The following RUNX1 variants were observed in gnomAD, a reference collection of about 807,000 sequenced individuals.
The protein encoded by RUNX1 is runt-related transcription factor 1.
In RUNX1, 19 loss-of-function variants were observed where a neutral mutation model predicts 42.8. That is an observed-to-expected ratio of 0.44 (90% CI 0.31 to 0.65). The LOEUF (loss-of-function observed/expected upper bound fraction) is 0.65, where lower values mean the gene tolerates loss of function less well. RUNX1 is among the 30% of genes least tolerant of loss of function. RUNX1 has a pLI of 0.07. For synonymous variants in RUNX1, 271 were observed against 289.4 expected (o/e 0.94, Z 0.64); for missense variants, 528 against 672.0 (o/e 0.79, Z 2.37).
At chr21:35,027,915 T>G (rs183430944) in intron 2 of RUNX1, among the ~76,000 whole-genome samples, 67 of 152,342 alleles carry the variant, frequency 4.4e-4, no homozygotes, top group Non-Finnish European at 2.9e-5. Flanking sequence ...TTTAGGATCT[T>G]GTGGCCTACA....
intron 2 of RUNX1, among the ~76,000 whole-genome samples, chr21:34,983,344 C>A (rs188001434): frequency 2.0e-5 from 3 of 152,270 alleles, no homozygotes; most frequent in Non-Finnish European, 2.9e-5. Context: ...AACAGACTTA[C>A]AAATGAGGGT....
intron 2 of RUNX1, among the ~76,000 whole-genome samples, chr21:35,036,007 G>A (rs2059304897): frequency 6.6e-6 from 1 of 152,158 alleles, no homozygotes; most frequent in Non-Finnish European, 1.5e-5. Context: ...TGGGGGCCAG[G>A]ACTCCTCAGG....
intron 2 of RUNX1, among the ~76,000 whole-genome samples, chr21:35,026,439 T>G (rs887723518): frequency 3.9e-5 from 6 of 152,252 alleles, no homozygotes; most frequent in African/African-American, 1.4e-4. Context: ...AAAAGCAATC[T>G]GGATATTGCA....
At chr21:34,909,588 CA>C (rs10584066) in intron 2 of RUNX1, among the ~76,000 whole-genome samples, 1,523 of 75,010 alleles carry the variant, frequency 0.02, 54 homozygotes, top group African/African-American at 0.078. Context: ...CACTGTTCCT[CA>C]AAAAAAAAAA....
At chr21:34,840,377 T>C (rs2057215927) in intron 6 of RUNX1, among the ~76,000 whole-genome samples, 1 of 152,218 alleles carries the variant, frequency 6.6e-6, no homozygotes, top group Non-Finnish European at 1.5e-5. Context: ...ATTCTAAATC[T>C]GCTTTTCTAC....
At position 35,016,881 on chromosome 21, in the gene RUNX1, TTG is replaced by T. The variant is rs139916478; in HGVS notation, c.58+31959_58+31960del. Reference sequence around the variant, plus strand: ...CTCTGGGACTTGCAGTGTGTGCACATTGTGTGTGTGTGTGTGTGTGTGTAGCT... The same window carrying T: ...CTCTGGGACTTGCAGTGTGTGCACATTGTGTGTGTGTGTGTGTGTGTAGCT... On this transcript the variant is annotated intron_variant, in intron 2 of 8. Coordinates refer to ENST00000675419, the MANE Select transcript of RUNX1 (RefSeq NM_001754.5). 5.1e-3 allele frequency among the ~76,000 whole-genome samples: 753 copies of T among 149,004 alleles called. 5 individuals are homozygous for T. The highest frequency in any genetic ancestry group is 0.017 in the African/African-American group (680 of 40,584).
intron 2 of RUNX1, among the ~76,000 whole-genome samples, chr21:34,945,132 G>A (rs2146646290): frequency 6.6e-6 from 1 of 152,270 alleles, no homozygotes; most frequent in African/African-American, 2.4e-5. Context: ...TCTGTGATGT[G>A]CCAGCCATAC....
intron 2 of RUNX1, among the ~76,000 whole-genome samples, chr21:34,997,849 T>TC (rs1569144099): frequency 6.6e-6 from 1 of 152,152 alleles, no homozygotes; most frequent in Non-Finnish European, 1.5e-5. Context: ...CATCCTTCTC[T>TC]CCCCAACACC....
rs7280235 is a variant in RUNX1, at chr21:34,941,069, C to T, written c.59-48106G>A. Among the ~76,000 whole-genome samples the T allele has an allele frequency of 4.1e-3, 619 of 152,260 alleles. 5 individuals carry two copies. The highest frequency in any genetic ancestry group is 0.014 in the African/African-American group (574 of 41,530). On this transcript the variant is annotated intron_variant, in intron 2 of 8. Coordinates refer to ENST00000675419, the MANE Select transcript of RUNX1 (RefSeq NM_001754.5). ...CTCAGGTTCCTGTATGCTAAAGGTC[C>T]GGACAGAATTACTCTGTCCCTTTCT...
intron 2 of RUNX1, among the ~76,000 whole-genome samples, chr21:35,013,298 T>G (rs2059138519): frequency 6.6e-6 from 1 of 152,240 alleles, no homozygotes; most frequent in African/African-American, 2.4e-5. Context: ...ATTTGACAGT[T>G]GGCCCTTGCA....
At chr21:34,821,458 T>C in intron 7 of RUNX1, 1 of 1,386,972 alleles carries the variant, frequency 7.2e-7, no homozygotes, top group South Asian at 1.7e-5. Context: ...ATCCTCACAA[T>C]TGTCCCATGT....
At chr21:34,873,166 G>T (rs2057764542) in intron 5 of RUNX1, among the ~76,000 whole-genome samples, 1 of 152,144 alleles carries the variant, frequency 6.6e-6, no homozygotes, top group South Asian at 2.1e-4. Flanking sequence ...AATCTGTAAA[G>T]ACCCCAACCC....
chr21:34,932,318 G>T (rs960828654), intron 2 of RUNX1, among the ~76,000 whole-genome samples: 1 of 152,158 alleles, frequency 6.6e-6, no homozygotes, highest in African/African-American at 2.4e-5. Flanking sequence ...TTGAGGAAAA[G>T]AGGACAAGTT....
At chr21:34,884,325 G>A (rs1211362680) in intron 4 of RUNX1, among the ~76,000 whole-genome samples, 1 of 152,180 alleles carries the variant, frequency 6.6e-6, no homozygotes, top group African/African-American at 2.4e-5. Flanking sequence ...TCAGAAGATT[G>A]ACGTAGAGGA....
intron 2 of RUNX1, among the ~76,000 whole-genome samples, chr21:35,005,521 T>G (rs1175528661): frequency 6.6e-6 from 1 of 152,152 alleles, no homozygotes; most frequent in Non-Finnish European, 1.5e-5. Context: ...CTAGGAACTA[T>G]CAGTTTTCCA....
At chr21:35,010,491 G>C (rs567590898) in intron 2 of RUNX1, among the ~76,000 whole-genome samples, 16 of 152,140 alleles carry the variant, frequency 1.1e-4, no homozygotes, top group African/African-American at 3.9e-4. Context: ...CTGGCTGTCT[G>C]TTGCATTTCT....
chr21:34,930,274 A>ATATATG (rs2058431850), intron 2 of RUNX1, among the ~76,000 whole-genome samples: 2 of 88,194 alleles, frequency 2.3e-5, no homozygotes, highest in African/African-American at 9.3e-5. Context: ...GTGTATGTAT[A>ATATATG]TATATATATA....
At chr21:34,841,478 ATGGTCCTACAG>A (rs2057233832) in intron 6 of RUNX1, among the ~76,000 whole-genome samples, 1 of 152,102 alleles carries the variant, frequency 6.6e-6, no homozygotes, top group African/African-American at 2.4e-5. Flanking sequence ...TTCCCGAACC[ATGGTCCTACAG>A]TGGCCTCTCA....
chr21:34,906,228 A>G (rs956787955), intron 2 of RUNX1, among the ~76,000 whole-genome samples: 5 of 152,218 alleles, frequency 3.3e-5, no homozygotes, highest in African/African-American at 1.2e-4. Flanking sequence ...CTACGAATGC[A>G]TTAGATTTGG....
Sources: gnomAD v4.1 joint callset for allele counts (sites outside exome capture counted in the v4.1 genomes callset) on GRCh38, gnomAD v4.1.1 for gene constraint, MANE v1.5 for transcripts, NCBI Gene and HGNC (gene_info 2026-07-23, HGNC 2026-07-21) for gene names.